Variants in HPRT1 observed in about 807,000 individuals in gnomAD.
HPRT1 encodes the protein hypoxanthine phosphoribosyltransferase 1.
A neutral mutation model predicts 19.0 loss-of-function variants in HPRT1; 4 were observed. That is an observed-to-expected ratio of 0.21 (90% CI 0.10 to 0.48). The LOEUF (loss-of-function observed/expected upper bound fraction) is 0.48, where lower values mean the gene tolerates loss of function less well. Ranked by LOEUF, HPRT1 falls within the 20% of genes least tolerant of loss-of-function variation. The pLI is 0.98. For missense variants in HPRT1, 65 were observed against 164.0 expected (o/e 0.40, Z 3.30); for synonymous variants, 53 against 54.9 (o/e 0.97, Z 0.15).
chrX:134,460,235 C>T lies in HPRT1; in HGVS notation c.-77C>T. 9.6e-7 allele frequency: 1 copy of T among 1,043,217 alleles called. No individual in the cohort carries two copies. The highest frequency in any genetic ancestry group is 1.3e-6 in the Non-Finnish European group (1 of 784,619). The allele number at this position is 1,043,217 out of a possible 1,213,427, so 86.0% of individuals were successfully genotyped here. A position where few individuals can be genotyped will look rare whatever the true frequency, so the allele number is the denominator to read the frequency against. ...TCCCGCGCGGCGCCGCCTCTTGCTGCGCCTCCGCCTCCTCCTCTGCTCCGC... is the reference window on the plus strand; with the variant it reads ...TCCCGCGCGGCGCCGCCTCTTGCTGTGCCTCCGCCTCCTCCTCTGCTCCGC... On this transcript the variant is annotated 5_prime_UTR_variant, in exon 1 of 9. Coordinates refer to ENST00000298556, the MANE Select transcript of HPRT1 (RefSeq NM_000194.3).
rs17881034 is a variant in HPRT1 at position 134,465,702 on chromosome X, G to T, written c.27+5364G>T. On this transcript the variant is annotated intron_variant, in intron 1 of 8. Coordinates refer to ENST00000298556, the MANE Select transcript of HPRT1 (RefSeq NM_000194.3). ...CTGTGTTCTAGATCTCTGAGGAGATGCAGTCAGATTTCTGAACTGTCTCAG... is the reference window on the plus strand; with the variant it reads ...CTGTGTTCTAGATCTCTGAGGAGATTCAGTCAGATTTCTGAACTGTCTCAG... Among the ~76,000 whole-genome samples, 289 of 112,575 alleles carry T rather than the reference G, an allele frequency of 2.6e-3. 1 individual carries two copies. Among genetic ancestry groups the T allele is most frequent in the African/African-American group, 8.7e-3 (269 of 31,029 alleles).
intron 3 of HPRT1, among the ~76,000 whole-genome samples, chrX:134,477,222 G>A (rs1020398956): frequency 4.7e-5 from 5 of 106,400 alleles, no homozygotes; most frequent in Non-Finnish European, 9.7e-5. Context: ...CACTATGCCC[G>A]GCTAATTTTT....
At chrX:134,462,240 G>T (rs1289818116) in intron 1 of HPRT1, among the ~76,000 whole-genome samples, 1 of 111,256 alleles carries the variant, frequency 9.0e-6, no homozygotes, top group Non-Finnish European at 1.9e-5. Flanking sequence ...GAGTACAGTG[G>T]CATGATCTCG....
intron 3 of HPRT1, among the ~76,000 whole-genome samples, chrX:134,479,582 T>C: frequency 9.0e-6 from 1 of 110,649 alleles, no homozygotes; most frequent in African/African-American, 3.3e-5. Context: ...TGGTTTTTTG[T>C]TGTTGTTGTT....
chrX:134,461,458 C>T (rs1246135909), intron 1 of HPRT1, among the ~76,000 whole-genome samples: 1 of 112,298 alleles, frequency 8.9e-6, no homozygotes, highest in Non-Finnish European at 1.9e-5. Context: ...GTGCTATTAA[C>T]GGAGTCTAAC....
intron 3 of HPRT1, among the ~76,000 whole-genome samples, chrX:134,482,116 G>A (rs759421773): frequency 3.6e-5 from 4 of 111,495 alleles, no homozygotes; most frequent in South Asian, 3.8e-4. Flanking sequence ...GTGTAGTGGT[G>A]CAATCTCATC....
At chrX:134,473,643 A>G (rs2077616275) in intron 2 of HPRT1, among the ~76,000 whole-genome samples, 178 bp downstream of exon 2, 1 of 112,163 alleles carries the variant, frequency 8.9e-6, no homozygotes, top group East Asian at 2.8e-4. Context: ...ATTACTTAGT[A>G]TCAGTTGTGG....
chrX:134,462,947 C>T (rs1470271979), intron 1 of HPRT1, among the ~76,000 whole-genome samples: 1 of 112,031 alleles, frequency 8.9e-6, no homozygotes, highest in Non-Finnish European at 1.9e-5. Context: ...CTAAGTTTGT[C>T]TCACCCCAGA....
Position 134,493,489 on chromosome X carries a change from A to G in HPRT1, c.403-19A>G. The G allele has an allele frequency of 1.8e-6, 2 of 1,130,398 alleles. No individual in the cohort carries two copies. The highest frequency in any genetic ancestry group is 2.4e-6 in the Non-Finnish European group (2 of 821,514). The allele number at this position is 1,130,398 out of a possible 1,213,427, so 93.2% of individuals were successfully genotyped here. ...GTGACTCTGAATTTAAAGCTATGCAATGTCTTCTTTTTTGAAAGGATATAA... is the reference window on the plus strand; with the variant it reads ...GTGACTCTGAATTTAAAGCTATGCAGTGTCTTCTTTTTTGAAAGGATATAA... On this transcript the variant is annotated intron_variant, in intron 5 of 8. Transcript: ENST00000298556.
chrX:134,488,812 A>C (rs2124299456), intron 4 of HPRT1, among the ~76,000 whole-genome samples: 1 of 112,139 alleles, frequency 8.9e-6, no homozygotes, highest in South Asian at 3.7e-4. Context: ...ACAAATGGGA[A>C]AAAAACATAA....
chrX:134,472,137 AT>A (rs2060406811), intron 1 of HPRT1, among the ~76,000 whole-genome samples: 1 of 109,607 alleles, frequency 9.1e-6, no homozygotes, highest in East Asian at 2.9e-4. Context: ...TACCTGGCAA[AT>A]TTTTACAAAG....
chrX:134,466,956 G>A (rs17324664), intron 1 of HPRT1, among the ~76,000 whole-genome samples: 8,885 of 108,680 alleles, frequency 0.082, 371 homozygotes, highest in East Asian at 0.21. Context: ...TGGGCTTGTC[G>A]AATTAGATTT....
intron 2 of HPRT1, among the ~76,000 whole-genome samples, chrX:134,474,135 A>G (rs748544492): frequency 8.9e-6 from 1 of 111,860 alleles, no homozygotes; most frequent in African/African-American, 3.2e-5. Context: ...GTCTAGAGCT[A>G]TCTAATATAT....
At chrX:134,468,852 G>A (rs1402937763) in intron 1 of HPRT1, among the ~76,000 whole-genome samples, 1 of 111,148 alleles carries the variant, frequency 9.0e-6, no homozygotes, top group Non-Finnish European at 1.9e-5. Context: ...GCTGGGAAAA[G>A]TTGTCATTTA....
chrX:134,486,458 T>A lies in HPRT1; in HGVS notation c.319-7T>A, dbSNP rs1282206201. On this transcript the variant is annotated splice_region_variant and splice_polypyrimidine_tract_variant and intron_variant, in intron 3 of 8. Transcript: ENST00000298556. Reference sequence around the variant, plus strand: ...ATATATATATAGTTTTTTTTTTTTTTAACTAGAATGACCAGTCAACAGGGG... The same window carrying A: ...ATATATATATAGTTTTTTTTTTTTTAAACTAGAATGACCAGTCAACAGGGG... The A allele has an allele frequency of 1.9e-6, 2 of 1,038,283 alleles. No homozygotes were observed. Among genetic ancestry groups the A allele is most frequent in the Non-Finnish European group, 2.6e-6 (2 of 763,358 alleles). The allele number at this position is 1,038,283 out of a possible 1,213,427, so 85.6% of individuals were successfully genotyped here.
chrX:134,498,274 G>T, intron 6 of HPRT1, 116 bp from the exon 7 acceptor site: 1 of 622,816 alleles, frequency 1.6e-6, no homozygotes, highest in South Asian at 2.3e-5. Flanking sequence ...TGTTAAAAGT[G>T]ACCATGGTAC....
At position 134,500,070 on chromosome X, in the gene HPRT1, A is replaced by G. The variant is rs778888249; in HGVS notation, c.650A>G (p.Lys217Arg). ...AGTGAAACTGGAAAAGCAAAATACA[A>G]AGCCTAAGATGAGAGTTCAAGTTGA... ...VISETGKAKYKA is the reference protein window; with the variant it reads ...VISETGKAKYRA The change falls in exon 9 of 9, where the codon AAA becomes AGA. Residue 217 changes from lysine to arginine, a missense_variant. Coordinates refer to ENST00000298556, the MANE Select transcript of HPRT1 (RefSeq NM_000194.3). 1 of 1,174,159 alleles carries G rather than the reference A, an allele frequency of 8.5e-7. No individual in the cohort carries two copies. The highest frequency in any genetic ancestry group is 1.8e-5 in the South Asian group (1 of 56,162).
At position 134,460,276 on chromosome X, in the gene HPRT1, C is replaced by T. The variant is rs1166722526; in HGVS notation, c.-36C>T. 1.8e-6 allele frequency: 2 copies of T among 1,123,021 alleles called. No homozygotes were observed. Among genetic ancestry groups the T allele is most frequent in the East Asian group, 3.6e-5 (1 of 28,063 alleles). 92.5% of individuals were successfully genotyped at this position (1,123,021 alleles called of 1,213,427 possible). A position where few individuals can be genotyped will look rare whatever the true frequency, so the allele number is the denominator to read the frequency against. ...TCTGCTCCGCCACCGGCTTCCTCCT[C>T]CTGAGCAGTCAGCCCGCGCGCCGGC... On this transcript the variant is annotated 5_prime_UTR_variant, in exon 1 of 9. Transcript: ENST00000298556.
At chrX:134,489,421 A>C (rs1467739128) in intron 4 of HPRT1, among the ~76,000 whole-genome samples, 3 of 111,906 alleles carry the variant, frequency 2.7e-5, no homozygotes, top group Non-Finnish European at 5.6e-5. Flanking sequence ...AGAACATTAA[A>C]ATCTTAATGC....
Sources: gnomAD v4.1 joint callset for allele counts (sites outside exome capture counted in the v4.1 genomes callset) on GRCh38, gnomAD v4.1.1 for gene constraint, MANE v1.5 for transcripts, NCBI Gene and HGNC (gene_info 2026-07-23, HGNC 2026-07-21) for gene names.